Variants in AKT3 observed in about 807,000 individuals in gnomAD.
AKT3 encodes AKT serine/threonine kinase 3.
AKT3 carries 15 observed loss-of-function variants against 65.3 expected under a neutral mutation model. The ratio of observed to expected loss-of-function variants is 0.23; its 90% CI spans 0.15 to 0.35. The LOEUF is 0.35. Among genes scored for constraint, AKT3 ranks in the 10% least tolerant of loss-of-function variants. The pLI is 1.00. For missense variants in AKT3, 243 were observed against 576.5 expected, an observed-to-expected ratio of 0.42 and a Z score of 5.92; for synonymous variants, 206 against 183.8, an observed-to-expected ratio of 1.12 and a Z score of -0.98.
intron 3 of AKT3, among the ~76,000 whole-genome samples, chr1:243,690,811 T>TAG (rs1361400708): frequency 6.6e-6 from 1 of 152,140 alleles, no homozygotes; most frequent in Admixed American, 6.6e-5. Context: ...TACTACTACC[T>TAG]AGTAAGGCAA....
chr1:243,800,612 G>T (rs886945940), intron 2 of AKT3, among the ~76,000 whole-genome samples: 1 of 152,060 alleles, frequency 6.6e-6, no homozygotes, highest in African/African-American at 2.4e-5. Context: ...CAGCTACTCG[G>T]GAGGCTGAGG....
chr1:243,668,382 G>A (rs1474519935), intron 3 of AKT3, among the ~76,000 whole-genome samples: 1 of 152,128 alleles, frequency 6.6e-6, no homozygotes, highest in African/African-American at 2.4e-5. Context: ...GGGCCCAAAT[G>A]CAATTAGGAG....
intron 2 of AKT3, among the ~76,000 whole-genome samples, chr1:243,724,245 G>GA (rs74849601): frequency 0.034 from 4,337 of 126,414 alleles, 80 homozygotes; most frequent in Non-Finnish European, 0.047. Context: ...AAATTGAGGG[G>GA]AAAAAAAAAA....
chr1:243,754,764 C>A (rs1411366077), intron 2 of AKT3, among the ~76,000 whole-genome samples: 1 of 152,164 alleles, frequency 6.6e-6, no homozygotes, highest in Non-Finnish European at 1.5e-5. Context: ...CCCCCTCCCA[C>A]ACACCACCCA....
At chr1:243,744,894 T>C (rs545420385) in intron 2 of AKT3, among the ~76,000 whole-genome samples, 6 of 152,242 alleles carry the variant, frequency 3.9e-5, no homozygotes, top group South Asian at 2.1e-4. Flanking sequence ...GGGGATCTCA[T>C]TTGTGATCAC....
chr1:243,649,989 ACT>A (rs1229703825), intron 4 of AKT3, among the ~76,000 whole-genome samples: 1 of 152,200 alleles, frequency 6.6e-6, no homozygotes, highest in Non-Finnish European at 1.5e-5. Context: ...GAATGGCCAC[ACT>A]GTCTTCCACA....
intron 6 of AKT3, chr1:243,625,121 T>C: frequency 7.0e-6 from 1 of 141,996 alleles, no homozygotes; most frequent in Non-Finnish European, 1.4e-5. Flanking sequence ...CACTGCAGTT[T>C]GTGTTTTTTT....
chr1:243,765,624 T>C (rs1689774012), intron 2 of AKT3, among the ~76,000 whole-genome samples: 1 of 152,190 alleles, frequency 6.6e-6, no homozygotes, highest in African/African-American at 2.4e-5. Context: ...GATTCCCTTG[T>C]TAACCAAACA....
chr1:243,557,153 A>G (rs933513006), intron 10 of AKT3, among the ~76,000 whole-genome samples: 8 of 152,148 alleles, frequency 5.3e-5, no homozygotes, highest in Admixed American at 4.6e-4. Context: ...AATGATGATT[A>G]GATCATACTT....
chr1:243,722,764 T>C (rs953207600), intron 2 of AKT3, among the ~76,000 whole-genome samples: 2 of 152,172 alleles, frequency 1.3e-5, no homozygotes, highest in African/African-American at 2.4e-5. Context: ...CATGGCAAAT[T>C]ATACCTCAAA....
chr1:243,759,356 AAAAAT>A (rs530713818), intron 2 of AKT3, among the ~76,000 whole-genome samples: 12 of 142,596 alleles, frequency 8.4e-5, no homozygotes, highest in Admixed American at 7.9e-4. Context: ...AAATTAAATT[AAAAAT>A]AAAATAAAAT....
At chr1:243,768,802 T>C (rs1572313605) in intron 2 of AKT3, among the ~76,000 whole-genome samples, 1 of 135,694 alleles carries the variant, frequency 7.4e-6, no homozygotes, top group Non-Finnish European at 1.5e-5. Context: ...GCCTGTGTAC[T>C]CCAGTCCGGG....
At chr1:243,524,628 C>T (rs903062444) in intron 12 of AKT3, among the ~76,000 whole-genome samples, 25 of 152,176 alleles carry the variant, frequency 1.6e-4, no homozygotes, top group African/African-American at 6.0e-4. Flanking sequence ...GTTGCACAAA[C>T]GTGAATCTGT....
At chr1:243,784,943 C>A (rs1212154901) in intron 2 of AKT3, among the ~76,000 whole-genome samples, 1 of 152,032 alleles carries the variant, frequency 6.6e-6, no homozygotes, top group Non-Finnish European at 1.5e-5. Flanking sequence ...ATTATTATTT[C>A]TGTAGAGACA....
rs1669299033 is a variant in AKT3, at chr1:243,501,536, C to A, written c.*3713G>T. On this transcript the variant is annotated 3_prime_UTR_variant, in exon 14 of 14. Coordinates refer to ENST00000673466, the MANE Select transcript of AKT3 (RefSeq NM_005465.7). ...GGTCAGCGTTTCCCCTCAGAAGCAGCCGTTCATCAAAGTTTGCACAACCGC... is the reference window on the plus strand; with the variant it reads ...GGTCAGCGTTTCCCCTCAGAAGCAGACGTTCATCAAAGTTTGCACAACCGC... 4.3e-6 allele frequency: 1 copy of A among 233,036 alleles called. No individual in the cohort carries two copies. The highest frequency in any genetic ancestry group is 1.8e-4 in the South Asian group (1 of 5,532). The allele number at this position is 233,036 out of a possible 1,614,324, so 14.4% of individuals were successfully genotyped here.
At chr1:243,817,692 A>G (rs569367244) in intron 2 of AKT3, among the ~76,000 whole-genome samples, 11 of 152,352 alleles carry the variant, frequency 7.2e-5, no homozygotes, top group Admixed American at 5.2e-4. Context: ...GTGAGCCAAG[A>G]TCGTGCCACT....
intron 2 of AKT3, among the ~76,000 whole-genome samples, chr1:243,806,411 A>G (rs1314459241): frequency 6.6e-6 from 1 of 152,228 alleles, no homozygotes; most frequent in Admixed American, 6.5e-5. Context: ...AGCATAATCA[A>G]GACACTTCAT....
chr1:243,672,408 A>G (rs770981678), intron 3 of AKT3, among the ~76,000 whole-genome samples: 17 of 152,218 alleles, frequency 1.1e-4, no homozygotes, highest in Admixed American at 8.5e-4. Context: ...CCGCATTGCT[A>G]GTTATTTTTG....
At chr1:243,641,361 C>G (rs1406022444) in intron 5 of AKT3, among the ~76,000 whole-genome samples, 1 of 150,066 alleles carries the variant, frequency 6.7e-6, no homozygotes, top group African/African-American at 2.5e-5. Context: ...TCTAGAGAAC[C>G]CTAATACACA....
Sources: allele counts gnomAD v4.1 joint callset (sites outside exome capture counted in the v4.1 genomes callset), GRCh38; gene constraint gnomAD v4.1.1; transcripts MANE v1.5; gene names NCBI Gene and HGNC (gene_info 2026-07-23, HGNC 2026-07-21).